Variants in PIGL observed in about 807,000 individuals in gnomAD.
PIGL encodes phosphatidylinositol glycan anchor biosynthesis class L.
In PIGL, 22 loss-of-function variants were observed where a neutral mutation model predicts 31.1. That is an observed-to-expected ratio of 0.71 (90% confidence interval 0.51 to 1.01). The LOEUF (loss-of-function observed/expected upper bound fraction) is 1.01. Among genes scored for constraint, PIGL ranks in the 50% least tolerant of loss-of-function variants. PIGL has a pLI of 0.00. For synonymous variants in PIGL, 131 were observed against 117.4 expected (o/e 1.12, Z -0.75); for missense variants, 302 against 315.9 (o/e 0.96, Z 0.33).
At chr17:16,259,381 A>C (rs143070568) in intron 2 of PIGL, among the ~76,000 whole-genome samples, 3 of 151,922 alleles carry the variant, frequency 2.0e-5, no homozygotes, top group Admixed American at 1.3e-4. Context: ...TACTCTTTTC[A>C]ACAAATGGTG....
At chr17:16,244,057 A>G (rs2092734425) in intron 2 of PIGL, among the ~76,000 whole-genome samples, 1 of 152,222 alleles carries the variant, frequency 6.6e-6, no homozygotes, top group South Asian at 2.1e-4. Context: ...ACAAGATCAG[A>G]TGAGCCAGTT....
chr17:16,282,368 GAT>G (rs2092919973), intron 2 of PIGL, among the ~76,000 whole-genome samples: 1 of 152,108 alleles, frequency 6.6e-6, no homozygotes, highest in Admixed American at 6.5e-5. Flanking sequence ...ATAGGAGAGA[GAT>G]AGCACAATGG....
chr17:16,249,005 A>G (rs919163329), intron 2 of PIGL, among the ~76,000 whole-genome samples: 1 of 152,076 alleles, frequency 6.6e-6, no homozygotes, highest in Non-Finnish European at 1.5e-5. Context: ...TCCTTTTCTT[A>G]TAGCACCACC....
chr17:16,241,405 G>A (rs907667734), intron 2 of PIGL, among the ~76,000 whole-genome samples: 23 of 151,236 alleles, frequency 1.5e-4, no homozygotes, highest in African/African-American at 4.9e-4. Context: ...CCTGACCAAC[G>A]TGGAGAAACC....
chr17:16,235,875 T>C (rs2092697922), intron 2 of PIGL, among the ~76,000 whole-genome samples: 1 of 152,006 alleles, frequency 6.6e-6, no homozygotes, highest in Non-Finnish European at 1.5e-5. Context: ...TACTATCTGT[T>C]AGACCTATAG....
chr17:16,322,745 G>A (rs2093111330), intron 6 of PIGL, among the ~76,000 whole-genome samples: 1 of 152,190 alleles, frequency 6.6e-6, no homozygotes, highest in African/African-American at 2.4e-5. Context: ...CTCGCAGAGG[G>A]GTGAAACATG....
At chr17:16,234,436 C>A (rs2092691505) in intron 2 of PIGL, among the ~76,000 whole-genome samples, 1 of 150,684 alleles carries the variant, frequency 6.6e-6, no homozygotes, top group East Asian at 2.0e-4. Context: ...GACAGTGAGA[C>A]TTCATCTCAA....
At chr17:16,262,460 A>G (rs1051563879) in intron 2 of PIGL, among the ~76,000 whole-genome samples, 1 of 152,208 alleles carries the variant, frequency 6.6e-6, no homozygotes, top group Non-Finnish European at 1.5e-5. Flanking sequence ...ACCCTAATAC[A>G]TTGCTGGTAG....
At chr17:16,217,633 G>GA in intron 1 of PIGL, 172 bp downstream of exon 1, 6 of 531,430 alleles carry the variant, frequency 1.1e-5, no homozygotes, top group South Asian at 9.0e-5. Context: ...CGGCTTACCT[G>GA]GTGGGTTGGG....
chr17:16,324,270 G>A lies in PIGL; in HGVS notation c.661-1530G>A, dbSNP rs979106787. ...ATGAGCCATTGCGCCTAGCCAATTCGTCTTATTATCTTATAATGTCTCTCT... is the reference window on the plus strand; with the variant it reads ...ATGAGCCATTGCGCCTAGCCAATTCATCTTATTATCTTATAATGTCTCTCT... On this transcript the variant is annotated intron_variant, in intron 6 of 6. Coordinates refer to ENST00000225609, the MANE Select transcript of PIGL (RefSeq NM_004278.4). The A allele has an allele frequency of 4.6e-5, 7 of 151,862 alleles. No individual in the cohort carries two copies. In the East Asian group the frequency reaches 9.8e-4, roughly 21 times the overall value. The allele number at this position is 151,862 out of a possible 1,614,324, so 9.4% of individuals were successfully genotyped here.
chr17:16,306,481 T>A (rs1481969302), intron 3 of PIGL, among the ~76,000 whole-genome samples: 1 of 149,282 alleles, frequency 6.7e-6, no homozygotes, highest in Non-Finnish European at 1.5e-5. Context: ...TTGTTCTGCA[T>A]GGAAGGGTGG....
chr17:16,277,092 T>A (rs2092899043), intron 2 of PIGL, among the ~76,000 whole-genome samples: 1 of 152,200 alleles, frequency 6.6e-6, no homozygotes, highest in Non-Finnish European at 1.5e-5. Flanking sequence ...GGACTTGTCA[T>A]AAAGTGACAT....
At chr17:16,245,006 T>C (rs950918528) in intron 2 of PIGL, among the ~76,000 whole-genome samples, 1 of 151,618 alleles carries the variant, frequency 6.6e-6, no homozygotes, top group African/African-American at 2.4e-5. Context: ...GTTCTTGTTT[T>C]TTTGAGACGG....
chr17:16,270,796 C>T (rs2092868365), intron 2 of PIGL, among the ~76,000 whole-genome samples: 1 of 151,650 alleles, frequency 6.6e-6, no homozygotes, highest in South Asian at 2.1e-4. Context: ...ACTCGGGAGG[C>T]TGAGGAGAAT....
intron 2 of PIGL, among the ~76,000 whole-genome samples, chr17:16,250,401 T>C (rs1156951641): frequency 6.6e-6 from 1 of 152,194 alleles, no homozygotes; most frequent in East Asian, 1.9e-4. Context: ...GAACATATCA[T>C]CCACAGGTAA....
At chr17:16,278,786 G>A (rs926184173) in intron 2 of PIGL, among the ~76,000 whole-genome samples, 14 of 150,748 alleles carry the variant, frequency 9.3e-5, no homozygotes, top group Non-Finnish European at 1.9e-4. Context: ...TTCCTTGCAT[G>A]TAAAACTGAT....
intron 3 of PIGL, among the ~76,000 whole-genome samples, chr17:16,310,835 GC>G (rs2093046195): frequency 6.6e-6 from 1 of 152,156 alleles, no homozygotes; most frequent in Non-Finnish European, 1.5e-5. Context: ...AGCGTAGCAC[GC>G]CTTCTCACAT....
At chr17:16,235,217 A>T (rs193160216) in intron 2 of PIGL, among the ~76,000 whole-genome samples, 1 of 152,170 alleles carries the variant, frequency 6.6e-6, no homozygotes, top group African/African-American at 2.4e-5. Context: ...CACCCAGTCC[A>T]TATCAGAATT....
rs1600726216 is a variant in PIGL at position 16,217,239 on chromosome 17, T to A, written c.13T>A (p.Trp5Arg). The change falls in exon 1 of 7, where the codon TGG (tryptophan) becomes AGG (arginine). Residue 5 changes from tryptophan (W) to arginine (R), a missense_variant. By Grantham distance (101) the Trp-to-Arg change is moderately radical (BLOSUM62 -3). Coordinates refer to ENST00000225609, the MANE Select transcript of PIGL (RefSeq NM_004278.4). MEAM[W>R]LLCVALAVLA... ...CTGCTTACCCATCATGGAAGCAATG[T>A]GGCTCCTGTGTGTGGCGTTGGCGGT... 6.2e-7 allele frequency: 1 copy of A among 1,614,124 alleles called. No individual in the cohort carries two copies. The highest frequency in any genetic ancestry group is 8.5e-7 in the Non-Finnish European group (1 of 1,179,972).
Sources: gnomAD v4.1 joint callset for allele counts (sites outside exome capture counted in the v4.1 genomes callset) on GRCh38, gnomAD v4.1.1 for gene constraint, MANE v1.5 for transcripts, NCBI Gene and HGNC (gene_info 2026-07-23, HGNC 2026-07-21) for gene names.